The following ADAMTS19 variants were observed in gnomAD, a reference collection of about 807,000 sequenced individuals.
ADAMTS19 encodes the protein A disintegrin and metalloproteinase with thrombospondin motifs 19.
A neutral mutation model predicts 153.3 loss-of-function variants in ADAMTS19; 93 were observed. The observed-to-expected ratio is 0.61, with a 90% CI of 0.51 to 0.72. The LOEUF (loss-of-function observed/expected upper bound fraction) is 0.72. Ranked by LOEUF, ADAMTS19 falls within the 30% of genes least tolerant of loss-of-function variation. The pLI, the probability that ADAMTS19 is intolerant of heterozygous loss-of-function variation, is 0.00. For synonymous variants in ADAMTS19, 600 were observed against 556.6 expected (o/e 1.08, Z -1.10); for missense variants, 1,482 against 1,552.1 (o/e 0.95, Z 0.76).
intron 3 of ADAMTS19, among the ~76,000 whole-genome samples, chr5:129,522,892 C>T (rs1751873324): frequency 6.6e-6 from 1 of 151,842 alleles, no homozygotes; most frequent in African/African-American, 2.4e-5. Flanking sequence ...CCTGTCTCTA[C>T]AAAAACTACA....
chr5:129,728,584 A>G (rs978929314), intron 21 of ADAMTS19, among the ~76,000 whole-genome samples: 5 of 152,024 alleles, frequency 3.3e-5, no homozygotes, highest in African/African-American at 9.7e-5. Context: ...CTTTCCCATA[A>G]CAGTACTATT....
intron 3 of ADAMTS19, 54 bp from the exon 4 acceptor site, chr5:129,526,230 T>G: frequency 7.0e-7 from 1 of 1,427,632 alleles, no homozygotes; most frequent in Non-Finnish European, 9.4e-7. Flanking sequence ...ATGTTTAATA[T>G]TATTCACTTT....
chr5:129,517,820 C>A (rs577817708), intron 3 of ADAMTS19, among the ~76,000 whole-genome samples: 2 of 151,902 alleles, frequency 1.3e-5, no homozygotes, highest in East Asian at 3.9e-4. Flanking sequence ...TATACTCCTG[C>A]CATTTTGTTA....
intron 2 of ADAMTS19, 148 bp from the exon 3 acceptor site, chr5:129,508,929 G>C: frequency 1.9e-6 from 1 of 537,050 alleles, no homozygotes; most frequent in Non-Finnish European, 3.2e-6. Context: ...TGGGAAGATA[G>C]TTACCTTGCT....
intron 7 of ADAMTS19, among the ~76,000 whole-genome samples, chr5:129,577,237 G>A (rs1344457238): frequency 1.3e-5 from 2 of 152,060 alleles, no homozygotes; most frequent in East Asian, 1.9e-4. Flanking sequence ...TACACTGTAC[G>A]AAACATACCT....
rs1351498110 is a variant in ADAMTS19 at position 129,461,222 on chromosome 5, G to A, written c.212G>A (p.Gly71Asp). The change falls in exon 2 of 23, where the codon GGC becomes GAC. Residue 71 changes from glycine to aspartate, a missense_variant. Physicochemically the swap from Gly to Asp is moderately conservative, Grantham distance 94 (BLOSUM62 -1). Coordinates refer to ENST00000274487, the MANE Select transcript of ADAMTS19 (RefSeq NM_133638.6). The surrounding 1 kb of genome is among the most constrained non-coding windows in gnomAD (Gnocchi z 4.6). ...GGSADPGWVRGVGGGGSARAQ... is the reference protein window; with the variant it reads ...GGSADPGWVRDVGGGGSARAQ... ...AGCGCGGACCCGGGCTGGGTGCGCG[G>A]CGTTGGGGGCGGCGGAAGCGCCCGG... 3 of 1,271,872 alleles carry A rather than the reference G, an allele frequency of 2.4e-6. No individual in the cohort carries two copies. The highest frequency in any genetic ancestry group is 3.2e-5 in the South Asian group (1 of 31,670). 78.8% of individuals were successfully genotyped at this position (1,271,872 alleles called of 1,614,324 possible).
chr5:129,502,041 T>A (rs886810681), intron 2 of ADAMTS19, among the ~76,000 whole-genome samples: 1 of 151,992 alleles, frequency 6.6e-6, no homozygotes, highest in Non-Finnish European at 1.5e-5. Flanking sequence ...GGTTGGGGAA[T>A]CATCTCCATA....
chr5:129,634,789 A>G (rs1361979411), intron 10 of ADAMTS19, among the ~76,000 whole-genome samples: 2 of 152,128 alleles, frequency 1.3e-5, no homozygotes, highest in African/African-American at 4.8e-5. Context: ...AAAACTGTAA[A>G]AAACCCTGGA....
chr5:129,611,209 T>C (rs1751198099), intron 8 of ADAMTS19, among the ~76,000 whole-genome samples: 1 of 152,176 alleles, frequency 6.6e-6, no homozygotes, highest in Non-Finnish European at 1.5e-5. Flanking sequence ...GATGAGTAGA[T>C]TGCAAAAATT....
intron 7 of ADAMTS19, among the ~76,000 whole-genome samples, chr5:129,575,250 T>C (rs1388573773): frequency 1.3e-5 from 2 of 152,050 alleles, no homozygotes; most frequent in Non-Finnish European, 2.9e-5. Context: ...AAATGAATGC[T>C]GTCAGTGCTT....
chr5:129,695,213 A>G (rs1011713237), intron 19 of ADAMTS19, among the ~76,000 whole-genome samples: 7 of 152,132 alleles, frequency 4.6e-5, no homozygotes, highest in Non-Finnish European at 7.4e-5. Flanking sequence ...GCCCACAGTA[A>G]CATAAACCAA....
At chr5:129,565,473 A>C (rs1177195825) in intron 7 of ADAMTS19, among the ~76,000 whole-genome samples, 1 of 152,202 alleles carries the variant, frequency 6.6e-6, no homozygotes, top group African/African-American at 2.4e-5. Context: ...CTTGCATTTC[A>C]GATGATCTTC....
intron 10 of ADAMTS19, among the ~76,000 whole-genome samples, chr5:129,631,358 T>TTA (rs921083457): frequency 6.6e-6 from 1 of 151,870 alleles, no homozygotes; most frequent in Non-Finnish European, 1.5e-5. Context: ...TAAATATTAA[T>TTA]TAGGTCAAGG....
At chr5:129,624,227 A>C (rs1340421780) in intron 10 of ADAMTS19, among the ~76,000 whole-genome samples, 1 of 151,454 alleles carries the variant, frequency 6.6e-6, no homozygotes, top group Non-Finnish European at 1.5e-5. Flanking sequence ...AAGGGTTTAC[A>C]TGTGGCACAG....
intron 7 of ADAMTS19, among the ~76,000 whole-genome samples, chr5:129,555,487 T>C (rs1326942279): frequency 6.6e-6 from 1 of 152,176 alleles, no homozygotes; most frequent in Non-Finnish European, 1.5e-5. Context: ...AAGTCAGATG[T>C]CTAGATTTAA....
At chr5:129,687,294 G>A (rs183958009) in intron 18 of ADAMTS19, among the ~76,000 whole-genome samples, 9 of 152,172 alleles carry the variant, frequency 5.9e-5, no homozygotes, top group Middle Eastern at 3.4e-3. Flanking sequence ...CCACTGAAAC[G>A]CAGTTGTTAA....
At chr5:129,490,271 C>T (rs958285384) in intron 2 of ADAMTS19, among the ~76,000 whole-genome samples, 1 of 152,172 alleles carries the variant, frequency 6.6e-6, no homozygotes, top group Non-Finnish European at 1.5e-5. Flanking sequence ...CTTCCCCATT[C>T]TCTTACAGAT....
At chr5:129,558,302 T>C (rs1025112502) in intron 7 of ADAMTS19, among the ~76,000 whole-genome samples, 3 of 152,102 alleles carry the variant, frequency 2.0e-5, no homozygotes, top group African/African-American at 7.2e-5. Context: ...AATTAAATTA[T>C]GAGAAATAGT....
chr5:129,720,178 T>TTTA lies in ADAMTS19; in HGVS notation c.3313-14752_3313-14751insATT, dbSNP rs1561669010. Reference sequence around the variant, plus strand: ...TATATATATATATATATATTTATTTTTTTTTTTTTTGGAGACAAAGTCTTG... The same window carrying TTTA: ...TATATATATATATATATATTTATTTTTTATTTTTTTTTTGGAGACAAAGTCTTG... On this transcript the variant is annotated intron_variant, in intron 21 of 22. Transcript: ENST00000274487. 2.3e-4 allele frequency among the ~76,000 whole-genome samples: 32 copies of TTTA among 140,632 alleles called. 1 individual carries two copies. Among genetic ancestry groups the TTTA allele is most frequent in the East Asian group, 1.2e-3 (6 of 4,952 alleles). The allele number at this position is 140,632 out of a possible 152,430, so 92.3% of individuals were successfully genotyped here.
Sources: allele counts gnomAD v4.1 joint callset (sites outside exome capture counted in the v4.1 genomes callset), GRCh38; gene constraint gnomAD v4.1.1; non-coding constraint Gnocchi (gnomAD v3.1); transcripts MANE v1.5; gene names NCBI Gene and HGNC (gene_info 2026-07-23, HGNC 2026-07-21).